The following KALRN variants were observed in gnomAD, a reference collection of about 807,000 sequenced individuals.
KALRN encodes kalirin.
KALRN carries 70 observed loss-of-function variants against 353.7 expected under a neutral mutation model. The observed-to-expected ratio is 0.20, with a 90% CI of 0.16 to 0.24. The LOEUF (loss-of-function observed/expected upper bound fraction) is 0.24. Ranked by LOEUF, KALRN falls within the 10% of genes least tolerant of loss-of-function variation. The probability of loss-of-function intolerance (pLI) is 1.00; values close to 1 mark genes in which losing one functional copy is unlikely to be tolerated. For missense variants in KALRN, 2,791 were observed against 3,756.7 expected, an observed-to-expected ratio of 0.74 and a Z score of 6.72; for synonymous variants, 1,391 against 1,434.8, an observed-to-expected ratio of 0.97 and a Z score of 0.69.
At chr3:124,659,499 A>C (rs1167254637) in intron 43 of KALRN, 42 bp downstream of exon 43, 1 of 1,362,826 alleles carries the variant, frequency 7.3e-7, no homozygotes, top group South Asian at 1.2e-5. Context: ...AGAAGGATCC[A>C]TCAGGCTCAG....
chr3:124,460,690 G>A (rs528870315), intron 23 of KALRN, among the ~76,000 whole-genome samples: 1 of 152,146 alleles, frequency 6.6e-6, no homozygotes, highest in Non-Finnish European at 1.5e-5. Context: ...ACCTGGAGAG[G>A]CAAGTCCTAC....
Position 124,474,651 on chromosome 3 carries a change from C to G in KALRN, c.4032-12C>G. 2 of 1,612,708 alleles carry G rather than the reference C, an allele frequency of 1.2e-6. No individual in the cohort carries two copies. The highest frequency in any genetic ancestry group is 1.7e-6 in the Non-Finnish European group (2 of 1,178,730). On this transcript the variant is annotated splice_polypyrimidine_tract_variant and intron_variant, in intron 25 of 59. Coordinates refer to ENST00000682506, the MANE Select transcript of KALRN (RefSeq NM_001388419.1). The stretch of plus-strand genomic sequence containing the variant: ...CAGAGGTGTCTGATTCAGTCTTTTT[C>G]TCCTCTTGCAGCATCTTCCTCAAAG...
intron 43 of KALRN, among the ~76,000 whole-genome samples, chr3:124,660,709 AAG>A (rs1227700979): frequency 6.6e-6 from 1 of 151,756 alleles, no homozygotes; most frequent in East Asian, 1.9e-4. Context: ...GAAAGAAAGA[AAG>A]AAAAGAAATT....
chr3:124,313,403 C>G (rs542294093), intron 6 of KALRN, among the ~76,000 whole-genome samples: 1 of 152,230 alleles, frequency 6.6e-6, no homozygotes, highest in East Asian at 1.9e-4. Flanking sequence ...CTGTTCTTAT[C>G]AATCAAGTTG....
At chr3:124,490,595 TAA>T in intron 29 of KALRN, 97 bp from the exon 30 acceptor site, 1 of 1,100,638 alleles carries the variant, frequency 9.1e-7, no homozygotes, top group Non-Finnish European at 1.3e-6. Flanking sequence ...AACTGAAGAC[TAA>T]CAATAAGAGA....
chr3:124,703,474 T>C (rs2062444687), intron 57 of KALRN, among the ~76,000 whole-genome samples: 1 of 152,164 alleles, frequency 6.6e-6, no homozygotes, highest in East Asian at 1.9e-4. Flanking sequence ...CACTATGAGA[T>C]ACTGTTTGAG....
At chr3:124,069,981 TATC>T (rs1413219580) in intron 1 of KALRN, among the ~76,000 whole-genome samples, 4 of 152,134 alleles carry the variant, frequency 2.6e-5, no homozygotes, top group Non-Finnish European at 4.4e-5. Context: ...TGTATTTAGA[TATC>T]ATCTTGCTTT....
At chr3:124,453,222 A>T (rs2058971344) in intron 21 of KALRN, among the ~76,000 whole-genome samples, 1 of 152,166 alleles carries the variant, frequency 6.6e-6, no homozygotes, top group East Asian at 1.9e-4. Context: ...CTGCCTTTTC[A>T]TGGCTGAGGA....
In KALRN at chr3:124,438,957, A is replaced by G; in HGVS notation, c.3118A>G (p.Lys1040Glu). The G allele has an allele frequency of 1.9e-6, 3 of 1,614,142 alleles. No individual in the cohort carries two copies. The highest frequency in any genetic ancestry group is 1.7e-6 in the Non-Finnish European group (2 of 1,180,010). Residue 1040 changes from lysine to glutamate, a missense_variant, in exon 18 of 60, where the codon AAG (lysine) becomes GAG (glutamate). Around this residue, in one of 11 missense-constraint regions of KALRN, gnomAD observed 452 missense variants for 575.8 expected, o/e 0.78. Transcript: ENST00000682506. ...RDEDWCGGRD[K>E]LGPAAEIDHV... The stretch of plus-strand genomic sequence containing the variant: ...TGAGGACTGGTGTGGTGGACGAGAT[A>G]AGCTGGGGCCAGCAGCAGAGATCGA...
chr3:124,693,017 C>T (rs923440544), intron 51 of KALRN, among the ~76,000 whole-genome samples: 9 of 152,182 alleles, frequency 5.9e-5, no homozygotes, highest in African/African-American at 2.2e-4. Context: ...TCCAGGGTGT[C>T]CTGAGGCAGG....
chr3:124,064,540 G>A (rs1217898187), intron 1 of KALRN, among the ~76,000 whole-genome samples: 2 of 152,122 alleles, frequency 1.3e-5, no homozygotes, highest in African/African-American at 4.8e-5. Context: ...AATAAGGAAG[G>A]CAACAGTAAC....
intron 23 of KALRN, among the ~76,000 whole-genome samples, chr3:124,458,116 AAAT>A (rs2059506209): frequency 6.6e-6 from 1 of 152,020 alleles, no homozygotes. Context: ...TCTCTACTAA[AAAT>A]ACAAAAATTA....
At position 124,267,974 on chromosome 3, in the gene KALRN, T is replaced by C. The variant is rs556386649; in HGVS notation, c.457-769T>C. ...CCCTGGGTCACACAGTTAATAAGCA[T>C]AGGGCTGGGACCCAAACACAGATAT... On this transcript the variant is annotated intron_variant, in intron 4 of 59. Coordinates refer to ENST00000682506, the MANE Select transcript of KALRN (RefSeq NM_001388419.1). 2.6e-5 allele frequency among the ~76,000 whole-genome samples: 4 copies of C among 152,308 alleles called. No individual in the cohort carries two copies. In the South Asian group the frequency reaches 6.2e-4, roughly 24 times the overall value.
chr3:124,201,822 G>T (rs763257332), intron 1 of KALRN, among the ~76,000 whole-genome samples: 1 of 152,254 alleles, frequency 6.6e-6, no homozygotes, highest in South Asian at 2.1e-4. Context: ...GCAGCTAAGG[G>T]AGTGGTTCCT....
At chr3:124,333,663 G>A (rs747378305) in intron 8 of KALRN, among the ~76,000 whole-genome samples, 9 of 152,086 alleles carry the variant, frequency 5.9e-5, no homozygotes, top group African/African-American at 1.2e-4. Context: ...TGAGGTGGGC[G>A]GATCACCTGA....
At chr3:124,534,559 G>A (rs1412137931) in intron 33 of KALRN, among the ~76,000 whole-genome samples, 2 of 152,118 alleles carry the variant, frequency 1.3e-5, no homozygotes, top group South Asian at 2.1e-4. Context: ...AATGAGTCAT[G>A]GCATCTAAGC....
chr3:124,516,962 C>T (rs539756641), intron 33 of KALRN, among the ~76,000 whole-genome samples: 3 of 152,096 alleles, frequency 2.0e-5, no homozygotes, highest in Non-Finnish European at 2.9e-5. Context: ...GGATTACAGG[C>T]GCCTGCCACC....
intron 5 of KALRN, among the ~76,000 whole-genome samples, chr3:124,278,500 G>A (rs2075013665): frequency 6.7e-6 from 1 of 148,906 alleles, no homozygotes; most frequent in Non-Finnish European, 1.5e-5. Flanking sequence ...GTGCAGGGCA[G>A]TAACTGAGAA....
chr3:124,513,415 C>G (rs1277289334), intron 33 of KALRN, among the ~76,000 whole-genome samples: 1 of 151,984 alleles, frequency 6.6e-6, no homozygotes, highest in Admixed American at 6.6e-5. Context: ...AGCATGGGGA[C>G]ACGGGGACCC....
Sources: gnomAD v4.1 joint callset for allele counts (sites outside exome capture counted in the v4.1 genomes callset) on GRCh38, gnomAD v4.1.1 for gene constraint, gnomAD v4.1.1 regional missense constraint, MANE v1.5 for transcripts, NCBI Gene and HGNC (gene_info 2026-07-23, HGNC 2026-07-21) for gene names.